Variants in SPATA16 observed in about 807,000 individuals in gnomAD.
SPATA16 encodes the protein spermatogenesis-associated protein 16.
In SPATA16, 36 loss-of-function variants were observed where a neutral mutation model predicts 63.3. The observed-to-expected ratio is 0.57, with a 90% CI of 0.44 to 0.75. SPATA16 has a LOEUF of 0.75. SPATA16 is among the 30% of genes least tolerant of loss of function. The probability of loss-of-function intolerance (pLI) is 0.00; values close to 1 mark genes in which losing one functional copy is unlikely to be tolerated. For synonymous variants in SPATA16, 203 were observed against 216.7 expected (o/e 0.94, Z 0.56); for missense variants, 646 against 679.3 (o/e 0.95, Z 0.54).
intron 2 of SPATA16, among the ~76,000 whole-genome samples, chr3:173,102,051 T>G (rs905369850): frequency 2.0e-5 from 3 of 152,180 alleles, no homozygotes; most frequent in African/African-American, 7.2e-5. Flanking sequence ...GACAAAATCA[T>G]ATAACTGCAG....
At chr3:173,065,657 C>T (rs1736501350) in intron 2 of SPATA16, among the ~76,000 whole-genome samples, 1 of 152,198 alleles carries the variant, frequency 6.6e-6, no homozygotes, top group South Asian at 2.1e-4. Flanking sequence ...CCTCCAACCC[C>T]AGGCAAAGCA....
chr3:172,949,803 A>C (rs932474933), intron 6 of SPATA16, among the ~76,000 whole-genome samples: 1 of 152,106 alleles, frequency 6.6e-6, no homozygotes, highest in Non-Finnish European at 1.5e-5. Flanking sequence ...TGACAGTGGA[A>C]GAGACTCATC....
At chr3:173,024,293 A>T (rs189846720) in intron 3 of SPATA16, among the ~76,000 whole-genome samples, 1 of 151,730 alleles carries the variant, frequency 6.6e-6, no homozygotes, top group East Asian at 1.9e-4. Context: ...CTCTTACTAC[A>T]TAGGCTAAAT....
chr3:173,055,533 A>G (rs891537457), intron 2 of SPATA16, among the ~76,000 whole-genome samples: 3 of 152,210 alleles, frequency 2.0e-5, no homozygotes, highest in African/African-American at 4.8e-5. Context: ...AAACTGTTAC[A>G]TACAATATGA....
At chr3:173,138,616 A>G (rs1484630645) in intron 1 of SPATA16, among the ~76,000 whole-genome samples, 1 of 152,198 alleles carries the variant, frequency 6.6e-6, no homozygotes, top group African/African-American at 2.4e-5. Context: ...TGAAATCAGG[A>G]GCTGATTTCT....
intron 6 of SPATA16, among the ~76,000 whole-genome samples, chr3:172,931,621 A>G (rs1473732494): frequency 6.6e-6 from 1 of 152,234 alleles, no homozygotes; most frequent in African/African-American, 2.4e-5. Context: ...ATCTGAAAAC[A>G]TACATTCCCA....
intron 10 of SPATA16, among the ~76,000 whole-genome samples, chr3:172,890,998 G>T (rs959071640): frequency 2.2e-4 from 30 of 138,424 alleles, no homozygotes; most frequent in African/African-American, 7.4e-4. Flanking sequence ...ATATATACAC[G>T]CACACACATA....
At chr3:172,953,094 G>T (rs932404635) in intron 6 of SPATA16, among the ~76,000 whole-genome samples, 5 of 151,966 alleles carry the variant, frequency 3.3e-5, no homozygotes, top group Non-Finnish European at 5.9e-5. Context: ...TTAGAGCTTT[G>T]GTTTTTGTTG....
At chr3:173,027,789 T>G (rs956292105) in intron 3 of SPATA16, among the ~76,000 whole-genome samples, 5 of 151,874 alleles carry the variant, frequency 3.3e-5, no homozygotes, top group Non-Finnish European at 7.4e-5. Flanking sequence ...CTTCCTTCAG[T>G]GGCTATGGGA....
At chr3:173,028,997 G>A (rs562709759) in intron 3 of SPATA16, among the ~76,000 whole-genome samples, 3 of 151,956 alleles carry the variant, frequency 2.0e-5, no homozygotes, top group African/African-American at 7.2e-5. Context: ...ATGGAATATA[G>A]AATAATTATT....
chr3:173,133,579 G>A (rs889918370), intron 1 of SPATA16, among the ~76,000 whole-genome samples: 4 of 152,154 alleles, frequency 2.6e-5, no homozygotes, highest in East Asian at 3.9e-4. Flanking sequence ...TTACTTGTTC[G>A]TGTCCCCTCA....
chr3:172,901,546 T>A (rs753938645), intron 10 of SPATA16, among the ~76,000 whole-genome samples: 4 of 152,210 alleles, frequency 2.6e-5, no homozygotes, highest in Non-Finnish European at 5.9e-5. Flanking sequence ...GTTTTGGCAG[T>A]CATTGATTGT....
intron 4 of SPATA16, among the ~76,000 whole-genome samples, chr3:172,988,009 A>G (rs1054721351): frequency 2.0e-5 from 3 of 152,194 alleles, no homozygotes; most frequent in African/African-American, 7.2e-5. Flanking sequence ...CAAATAGTGC[A>G]ACTCAACCAC....
intron 8 of SPATA16, among the ~76,000 whole-genome samples, chr3:172,920,184 C>T (rs1024932583): frequency 6.6e-6 from 1 of 152,186 alleles, no homozygotes; most frequent in Non-Finnish European, 1.5e-5. Flanking sequence ...GAATATATCA[C>T]TACTCTGAGC....
At chr3:173,052,586 A>G (rs911999103) in intron 2 of SPATA16, among the ~76,000 whole-genome samples, 4 of 152,252 alleles carry the variant, frequency 2.6e-5, no homozygotes, top group Admixed American at 1.3e-4. Context: ...TGTTGAAGTT[A>G]AAGGTAGAGT....
intron 2 of SPATA16, among the ~76,000 whole-genome samples, chr3:173,094,878 C>G (rs1737315780): frequency 6.6e-6 from 1 of 152,100 alleles, no homozygotes; most frequent in African/African-American, 2.4e-5. Context: ...TATTCAGCAC[C>G]TGGTTGTAAG....
intron 3 of SPATA16, among the ~76,000 whole-genome samples, chr3:173,043,639 A>C (rs751673590): frequency 5.3e-5 from 8 of 151,960 alleles, no homozygotes; most frequent in Admixed American, 1.3e-4. Context: ...TCATTTTCAT[A>C]TAATAGTCTT....
At chr3:173,087,031 C>A (rs7624191) in intron 2 of SPATA16, among the ~76,000 whole-genome samples, 5,572 of 152,146 alleles carry the variant, frequency 0.037, 348 homozygotes, top group African/African-American at 0.13. Context: ...ATTTCTGTAG[C>A]TATCTGCCAG....
intron 2 of SPATA16, among the ~76,000 whole-genome samples, chr3:173,114,176 T>A: frequency 9.6e-6 from 1 of 103,804 alleles, no homozygotes; most frequent in African/African-American, 4.3e-5. Flanking sequence ...CAAGACTCCA[T>A]CTCAAAAAAA....
Sources: gnomAD v4.1 joint callset for allele counts (sites outside exome capture counted in the v4.1 genomes callset) on GRCh38, gnomAD v4.1.1 for gene constraint, MANE v1.5 for transcripts, NCBI Gene and HGNC (gene_info 2026-07-23, HGNC 2026-07-21) for gene names.